CENPC: variants seen among roughly 807,000 people sequenced by gnomAD.
The protein encoded by CENPC is CENP-C 1.
CENPC carries 63 observed loss-of-function variants against 112.1 expected under a neutral mutation model. The ratio of observed to expected loss-of-function variants is 0.56; its 90% CI spans 0.46 to 0.69. The LOEUF (loss-of-function observed/expected upper bound fraction) is 0.69. Among genes scored for constraint, CENPC ranks in the 30% least tolerant of loss-of-function variants. CENPC has a pLI of 0.00. For synonymous variants in CENPC, 333 were observed against 367.6 expected, an observed-to-expected ratio of 0.91 and a Z score of 1.08; for missense variants, 1,000 against 1,103.8, an observed-to-expected ratio of 0.91 and a Z score of 1.33.
Position 67,492,221 on chromosome 4 carries a change from G to A in CENPC, c.2474C>T (p.Thr825Met), listed in dbSNP as rs1725303537. ...TCTTGTTTCTGGGTCCTTTACCCTC[G>A]TTGGCTGCAAAGGATCTCCAAGAGG... ...GIPLGDPLQPTRVKDPETREI... is the reference protein window; with the variant it reads ...GIPLGDPLQPMRVKDPETREI... Residue 825 changes from threonine to methionine, a missense_variant, in exon 16 of 19, where the codon ACG becomes ATG. By Grantham distance (81) the Thr-to-Met change is moderately conservative (BLOSUM62 -1). Coordinates refer to ENST00000273853, the MANE Select transcript of CENPC (RefSeq NM_001812.4). 2 of 1,569,590 alleles carry A rather than the reference G, an allele frequency of 1.3e-6. No individual in the cohort carries two copies. The highest frequency in any genetic ancestry group is 2.3e-5 in the East Asian group (1 of 43,382).
rs554732538 is a variant in CENPC, at chr4:67,484,299, G to A, written c.2670+5668C>T. Among the ~76,000 whole-genome samples, 7 of 152,252 alleles carry A rather than the reference G, an allele frequency of 4.6e-5. No homozygotes were observed. In the South Asian group the frequency reaches 6.2e-4, roughly 14 times the overall value. On this transcript the variant is annotated intron_variant, in intron 17 of 18. Transcript: ENST00000273853. ...GTAGTAGGCTATATCATCTTATGAC[G>A]TTCATAAGACAAAATAGCTTAATGA...
intron 9 of CENPC, 145 bp from the exon 10 acceptor site, chr4:67,509,250 ACACAC>A (rs1238076011): frequency 5.3e-6 from 2 of 374,898 alleles, no homozygotes; most frequent in Non-Finnish European, 9.2e-6. Flanking sequence ...ACACACACAC[ACACAC>A]ATCTCAGGCT....
At chr4:67,495,251 C>T (rs1725399014) in intron 12 of CENPC, 39 bp from the exon 13 acceptor site, 1 of 1,453,786 alleles carries the variant, frequency 6.9e-7, no homozygotes. Flanking sequence ...GAAATGACTG[C>T]TAATTCCATG....
At chr4:67,530,996 G>A in intron 4 of CENPC, 82 bp from the exon 5 acceptor site, 2 of 599,136 alleles carry the variant, frequency 3.3e-6, no homozygotes, top group Non-Finnish European at 5.5e-6. Context: ...TTAAATGGGG[G>A]GAAAAACAAG....
Position 67,468,913 on chromosome 4 carries a change from T to A in CENPC, c.*3692A>T, listed in dbSNP as rs1260147944. ...GCTGAGTGAGAAAAACCAAAGGTCA[T>A]ACACTATATTATTCCATTGCTACAA... On this transcript the variant is annotated 3_prime_UTR_variant, in exon 19 of 19. Coordinates refer to ENST00000273853, the MANE Select transcript of CENPC (RefSeq NM_001812.4). 6.6e-6 allele frequency: 1 copy of A among 152,190 alleles called. No homozygotes were observed. Among genetic ancestry groups the A allele is most frequent in the African/African-American group, 2.4e-5 (1 of 41,450 alleles). 9.4% of individuals were successfully genotyped at this position (152,190 alleles called of 1,614,324 possible).
chr4:67,495,493 C>G (rs1725406626), intron 12 of CENPC, among the ~76,000 whole-genome samples: 2 of 152,216 alleles, frequency 1.3e-5, no homozygotes, highest in East Asian at 1.9e-4. Flanking sequence ...CAGCCTGAAA[C>G]CATGCTTTTT....
intron 5 of CENPC, among the ~76,000 whole-genome samples, chr4:67,524,069 T>C (rs191369014): frequency 6.6e-6 from 1 of 150,426 alleles, no homozygotes; most frequent in Admixed American, 6.6e-5. Flanking sequence ...AGAGCAGAAA[T>C]CAATAAAACT....
intron 14 of CENPC, chr4:67,493,277 AAAGG>A: frequency 1.0e-5 from 2 of 198,760 alleles, no homozygotes. Flanking sequence ...AAAAAAAAAA[AAAGG>A]AGGGGGCTAG....
chr4:67,506,604 C>T (rs1393700021), intron 11 of CENPC, among the ~76,000 whole-genome samples, 184 bp downstream of exon 11: 1 of 152,168 alleles, frequency 6.6e-6, no homozygotes, highest in Non-Finnish European at 1.5e-5. Flanking sequence ...ATGACTGCTA[C>T]CTCCTGAGAA....
rs575338503 is a variant in CENPC, at chr4:67,542,725, T to C, written c.65+1424A>G. 1.6e-4 allele frequency among the ~76,000 whole-genome samples: 25 copies of C among 152,272 alleles called. No individual in the cohort carries two copies. The East Asian group carries it at 4.4e-3, about 27-fold the overall frequency. On this transcript the variant is annotated intron_variant, in intron 2 of 18. Transcript: ENST00000273853. Reference sequence around the variant, plus strand: ...GCCTACCTCAGTTTGTAAACCTAAGTAGTATTAGTGGCCGGTTTTCTACCA... The same window carrying C: ...GCCTACCTCAGTTTGTAAACCTAAGCAGTATTAGTGGCCGGTTTTCTACCA...
At chr4:67,521,204 C>CAAAAAAAAAAAA (rs71219050) in intron 5 of CENPC, among the ~76,000 whole-genome samples, 7 of 131,438 alleles carry the variant, frequency 5.3e-5, no homozygotes, top group Non-Finnish European at 9.6e-5. Context: ...CAAAACAAAC[C>CAAAAAAAAAAAA]AAAAAAAAAA....
intron 18 of CENPC, among the ~76,000 whole-genome samples, chr4:67,473,080 A>T (rs1295385031): frequency 2.0e-5 from 3 of 146,690 alleles, no homozygotes; most frequent in East Asian, 2.0e-4. Context: ...TTATTTATTT[A>T]CTTATTTTTT....
rs114284724 is a variant in CENPC at position 67,474,410 on chromosome 4, A to G, written c.2761+478T>C. Among the ~76,000 whole-genome samples the G allele has an allele frequency of 2.8e-3, 426 of 152,256 alleles. 3 individuals carry two copies. The highest frequency in any genetic ancestry group is 9.6e-3 in the African/African-American group (400 of 41,560). ...TAAACAACTCTTGTTCTCATGTATC[A>G]AAACACTAATTGGTTGGGCACTGTG... On this transcript the variant is annotated intron_variant, in intron 18 of 18. Coordinates refer to ENST00000273853, the MANE Select transcript of CENPC (RefSeq NM_001812.4).
At chr4:67,502,276 A>C (rs941526115) in intron 12 of CENPC, among the ~76,000 whole-genome samples, 3 of 152,186 alleles carry the variant, frequency 2.0e-5, no homozygotes, top group Admixed American at 6.5e-5. Context: ...GTTGACAATA[A>C]GTGTATATAT....
At chr4:67,528,477 C>A (rs1234492163) in intron 5 of CENPC, among the ~76,000 whole-genome samples, 1 of 152,078 alleles carries the variant, frequency 6.6e-6, no homozygotes, top group Non-Finnish European at 1.5e-5. Flanking sequence ...ATCACCATTA[C>A]CCCCTACCAC....
chr4:67,515,947 T>C (rs1726046291), intron 7 of CENPC, among the ~76,000 whole-genome samples: 1 of 152,018 alleles, frequency 6.6e-6, no homozygotes, highest in Non-Finnish European at 1.5e-5. Context: ...ACTTTATGTA[T>C]TTTACTAAAA....
In CENPC at chr4:67,475,678, A is replaced by C. The variant is rs547146514; in HGVS notation, c.2671-700T>G. Among the ~76,000 whole-genome samples the C allele has an allele frequency of 3.2e-3, 480 of 152,260 alleles. 1 individual carries two copies. The highest frequency in any genetic ancestry group is 0.011 in the African/African-American group (459 of 41,538). On this transcript the variant is annotated intron_variant, in intron 17 of 18. Coordinates refer to ENST00000273853, the MANE Select transcript of CENPC (RefSeq NM_001812.4). ...CAGTGAGGCGATCTCGGCTCACTGC[A>C]AGCTCCGCCTCCAGGGTTCATGCCA...
intron 1 of CENPC, among the ~76,000 whole-genome samples, chr4:67,544,754 AAG>A (rs758593338): frequency 6.6e-6 from 1 of 152,184 alleles, no homozygotes; most frequent in Non-Finnish European, 1.5e-5. Context: ...TGTCTTTCAG[AAG>A]AGTTTGTCAA....
intron 17 of CENPC, among the ~76,000 whole-genome samples, chr4:67,477,834 G>A (rs1724846607): frequency 6.6e-6 from 1 of 151,852 alleles, no homozygotes; most frequent in South Asian, 2.1e-4. Flanking sequence ...AAAATCTCGA[G>A]AGAAATAGAT....
Sources: allele counts gnomAD v4.1 joint callset (sites outside exome capture counted in the v4.1 genomes callset), GRCh38; gene constraint gnomAD v4.1.1; transcripts MANE v1.5; gene names NCBI Gene and HGNC (gene_info 2026-07-23, HGNC 2026-07-21).